APOC1: variants seen among roughly 807,000 people sequenced by gnomAD.
The protein encoded by APOC1 is apolipoprotein C1.
In APOC1, 4 loss-of-function variants were observed where a neutral mutation model predicts 6.7. The ratio of observed to expected loss-of-function variants is 0.60; its 90% CI spans 0.29 to 1.37. The LOEUF is 1.37. APOC1 is among the 40% of genes most tolerant of loss of function. The pLI is 0.09. For synonymous variants in APOC1, 33 were observed against 40.6 expected, an observed-to-expected ratio of 0.81 and a Z score of 0.72; for missense variants, 122 against 99.4, an observed-to-expected ratio of 1.23 and a Z score of -0.97.
At chr19:44,917,606 AAG>A (rs1432212007) in intron 3 of APOC1, among the ~76,000 whole-genome samples, 10 of 149,646 alleles carry the variant, frequency 6.7e-5, no homozygotes, top group African/African-American at 2.2e-4. Flanking sequence ...AAGAGAAGAA[AAG>A]AGAAAAGAAA....
At chr19:44,917,445 G>A (rs1970029096) in intron 3 of APOC1, among the ~76,000 whole-genome samples, 1 of 152,040 alleles carries the variant, frequency 6.6e-6, no homozygotes, top group Non-Finnish European at 1.5e-5. Flanking sequence ...GGGCATGGTG[G>A]CCCATGCCTG....
intron 3 of APOC1, among the ~76,000 whole-genome samples, chr19:44,917,394 C>T (rs1051581123): frequency 5.9e-5 from 9 of 151,906 alleles, no homozygotes; most frequent in African/African-American, 2.2e-4. Flanking sequence ...GTCAGGAGTG[C>T]GAGAACCCCG....
intron 3 of APOC1, 189 bp downstream of exon 3, chr19:44,916,514 C>A: frequency 2.6e-6 from 2 of 755,558 alleles, no homozygotes; most frequent in Non-Finnish European, 4.1e-6. Flanking sequence ...CCATCCAGGC[C>A]ATATTTTAAA....
In APOC1 at chr19:44,916,304, G is replaced by C; in HGVS notation, c.173G>C (p.Ser58Thr). 2.5e-6 allele frequency: 4 copies of C among 1,613,962 alleles called. No individual in the cohort carries two copies. Among genetic ancestry groups the C allele is most frequent in the Non-Finnish European group, 3.4e-6 (4 of 1,179,996 alleles). Residue 58 changes from serine (S) to threonine (T), a missense_variant, in exon 3 of 4, where the codon AGT becomes ACT. Ser to Thr is a moderately conservative substitution (Grantham distance 58). Transcript: ENST00000592535. ...GAACTCATCAGCCGCATCAAACAGAGTGAACTTTCTGCCAAGATGCGGTTA... is the reference window on the plus strand; with the variant it reads ...GAACTCATCAGCCGCATCAAACAGACTGAACTTTCTGCCAAGATGCGGTTA... ...ARELISRIKQ[S>T]ELSAKMREWF...
In APOC1 at chr19:44,919,202, T is replaced by C; in HGVS notation, c.224T>C (p.Val75Ala). The C allele has an allele frequency of 6.2e-7, 1 of 1,613,862 alleles. No individual in the cohort carries two copies. Among genetic ancestry groups the C allele is most frequent in the Non-Finnish European group, 8.5e-7 (1 of 1,179,854 alleles). ...TGGTTTTCAGAGACATTTCAGAAAGTGAAGGAGAAACTCAAGATTGACTCA... is the reference window on the plus strand; with the variant it reads ...TGGTTTTCAGAGACATTTCAGAAAGCGAAGGAGAAACTCAAGATTGACTCA... ...REWFSETFQK[V>A]KEKLKIDS Residue 75 changes from valine to alanine, a missense_variant, in exon 4 of 4, where the codon GTG becomes GCG. Val to Ala is a moderately conservative substitution (Grantham distance 64, BLOSUM62 0). Coordinates refer to ENST00000592535, the MANE Select transcript of APOC1 (RefSeq NM_001645.5).
intron 3 of APOC1, among the ~76,000 whole-genome samples, chr19:44,916,829 A>AC (rs1009564161): frequency 6.8e-6 from 1 of 148,142 alleles, no homozygotes; most frequent in African/African-American, 2.5e-5. Context: ...AAAAAAAAAA[A>AC]AAAAAACAAG....
chr19:44,919,299 C>A lies in APOC1; in HGVS notation c.*69C>A. On this transcript the variant is annotated 3_prime_UTR_variant, in exon 4 of 4. Coordinates refer to ENST00000592535, the MANE Select transcript of APOC1 (RefSeq NM_001645.5). Reference sequence around the variant, plus strand: ...CACACCCCAGCGCCTGTGCTGAGGACTCCCTCCATGTGGCCCCAGGTGCCA... The same window carrying A: ...CACACCCCAGCGCCTGTGCTGAGGAATCCCTCCATGTGGCCCCAGGTGCCA... 2 of 1,395,084 alleles carry A rather than the reference C, an allele frequency of 1.4e-6. No individual in the cohort carries two copies. The highest frequency in any genetic ancestry group is 1.4e-5 in the African/African-American group (1 of 70,268). 86.4% of individuals were successfully genotyped at this position (1,395,084 alleles called of 1,614,324 possible). A position where few individuals can be genotyped will look rare whatever the true frequency, so the allele number is the denominator to read the frequency against.
rs1340927554 is a variant in APOC1, at chr19:44,916,269, C to G, written c.138C>G (p.Asp46Glu). The G allele has an allele frequency of 6.2e-7, 1 of 1,613,628 alleles. No homozygotes were observed. The highest frequency in any genetic ancestry group is 8.5e-7 in the Non-Finnish European group (1 of 1,179,994). Residue 46 changes from aspartate (D) to glutamate (E), a missense_variant, in exon 3 of 4, where the codon GAC becomes GAG. Transcript: ENST00000592535. ...AGGAGTTTGGAAACACACTGGAGGA[C>G]AAGGCTCGGGAACTCATCAGCCGCA... ...KLKEFGNTLE[D>E]KARELISRIK... is the part of the protein sequence containing the mutation.
chr19:44,919,203 G>A lies in APOC1; in HGVS notation c.225G>A (p.Val75=), dbSNP rs1970059519. 1.2e-6 allele frequency: 2 copies of A among 1,613,840 alleles called. No individual in the cohort carries two copies. Among genetic ancestry groups the A allele is most frequent in the South Asian group, 1.1e-5 (1 of 91,080 alleles). ...REWFSETFQK[V]KEKLKIDS ...GGTTTTCAGAGACATTTCAGAAAGT[G>A]AAGGAGAAACTCAAGATTGACTCAT... Residue 75 remains valine (V), a synonymous_variant, in exon 4 of 4, where the codon GTG becomes GTA. Transcript: ENST00000592535.
intron 2 of APOC1, chr19:44,915,223 C>T (rs1322536716): frequency 5.9e-6 from 3 of 512,666 alleles, no homozygotes; most frequent in East Asian, 7.0e-5. Context: ...AGTGGGTAAG[C>T]TGGGTGGGGG....
At chr19:44,915,284 C>T (rs984696860) in intron 2 of APOC1, 1 of 321,102 alleles carries the variant, frequency 3.1e-6, no homozygotes, top group Non-Finnish European at 5.8e-6. Flanking sequence ...AGCTTGAGCC[C>T]CACCAGGTCA....
At position 44,919,185 on chromosome 19, in the gene APOC1, A is replaced by G. The variant is rs1048267494; in HGVS notation, c.207A>G (p.Ser69=). The G allele has an allele frequency of 6.2e-7, 1 of 1,613,784 alleles. No homozygotes were observed. Among genetic ancestry groups the G allele is most frequent in the South Asian group, 1.1e-5 (1 of 91,080 alleles). ...ELSAKMREWF[S]ETFQKVKEKL... ...TTCCTCCCCACAGGGAGTGGTTTTC[A>G]GAGACATTTCAGAAAGTGAAGGAGA... Residue 69 remains serine, a synonymous_variant, in exon 4 of 4, where the codon TCA becomes TCG. Transcript: ENST00000592535.
chr19:44,914,939 C>G lies in APOC1; in HGVS notation c.48C>G (p.Ile16Met), dbSNP rs72654453. The change falls in exon 2 of 4, where the codon ATC becomes ATG. Residue 16 changes from isoleucine (I) to methionine (M), a missense_variant. Transcript: ENST00000592535. The stretch of plus-strand genomic sequence containing the variant: ...CGGTCCTGGTGGTGGTTCTGTCGAT[C>G]GTCTTGGAAGGTAAAAGTGGGATGG... ...SLPVLVVVLS[I>M]VLEGPAPAQG... 0.011 allele frequency: 16,980 copies of G among 1,613,062 alleles called. 122 individuals are homozygous for G. Among genetic ancestry groups the G allele is most frequent in the South Asian group, 0.018 (1,664 of 91,046 alleles).
intron 3 of APOC1, among the ~76,000 whole-genome samples, chr19:44,917,328 G>GGCTC (rs1363514398): frequency 6.6e-6 from 1 of 152,232 alleles, no homozygotes; most frequent in Non-Finnish European, 1.5e-5. Flanking sequence ...CGAGCACGGT[G>GGCTC]GCTCACACCT....
chr19:44,915,252 G>A (rs1179903776), intron 2 of APOC1: 6 of 414,812 alleles, frequency 1.4e-5, no homozygotes, highest in African/African-American at 1.0e-4. Context: ...AGAGGTCAGT[G>A]CTGAGTAAGG....
intron 2 of APOC1, among the ~76,000 whole-genome samples, chr19:44,915,689 G>A (rs556781141): frequency 6.6e-6 from 1 of 151,560 alleles, no homozygotes; most frequent in South Asian, 2.1e-4. Flanking sequence ...ATTTTTGGCC[G>A]GGCAGGGTGG....
In APOC1 at chr19:44,914,700, G is replaced by A; in HGVS notation, c.-54G>A. 1 of 600,566 alleles carries A rather than the reference G, an allele frequency of 1.7e-6. No individual in the cohort carries two copies. 37.2% of individuals were successfully genotyped at this position (600,566 alleles called of 1,614,324 possible). ...GATAAAGGTCCTGCGGGCAGGACAG[G>A]ACCTCCCAACCAAGCCCTCCAGCAA... On this transcript the variant is annotated 5_prime_UTR_variant, in exon 1 of 4. Coordinates refer to ENST00000592535, the MANE Select transcript of APOC1 (RefSeq NM_001645.5).
chr19:44,915,251 T>C (rs1173309564), intron 2 of APOC1: 1 of 436,750 alleles, frequency 2.3e-6, no homozygotes, highest in East Asian at 4.2e-5. Context: ...GAGAGGTCAG[T>C]GCTGAGTAAG....
At chr19:44,914,786 A>T in intron 1 of APOC1, 53 bp downstream of exon 1, 1 of 1,206,934 alleles carries the variant, frequency 8.3e-7, no homozygotes, top group Non-Finnish European at 1.2e-6. Flanking sequence ...CAAGAAACTC[A>T]AAAAGGGAGA....
Sources: allele counts gnomAD v4.1 joint callset (sites outside exome capture counted in the v4.1 genomes callset), GRCh38; gene constraint gnomAD v4.1.1; transcripts MANE v1.5; gene names NCBI Gene and HGNC (gene_info 2026-07-23, HGNC 2026-07-21).